The following KLRK1 variants were observed in gnomAD, a reference collection of about 807,000 sequenced individuals.
The protein encoded by KLRK1 is killer cell lectin like receptor K1.
A neutral mutation model predicts 31.3 loss-of-function variants in KLRK1; 40 were observed. That is an observed-to-expected ratio of 1.28 (90% CI 0.99 to 1.67). The LOEUF (loss-of-function observed/expected upper bound fraction) is 1.67, where lower values mean the gene tolerates loss of function less well. KLRK1 is among the 40% of genes most tolerant of loss of function. KLRK1 has a pLI of 0.00. For synonymous variants in KLRK1, 77 were observed against 77.3 expected (o/e 1.00, Z 0.02); for missense variants, 251 against 260.0 (o/e 0.97, Z 0.24).
At chr12:10,376,220 C>T (rs1165941793) in intron 7 of KLRK1, among the ~76,000 whole-genome samples, 1 of 152,066 alleles carries the variant, frequency 6.6e-6, no homozygotes, top group Non-Finnish European at 1.5e-5. Flanking sequence ...ACATAGAATA[C>T]ATAGAAAACA....
At chr12:10,378,320 T>TGTAAAAA in intron 6 of KLRK1, 85 bp from the exon 7 acceptor site, 1 of 1,445,894 alleles carries the variant, frequency 6.9e-7, no homozygotes, top group Non-Finnish European at 9.5e-7. Flanking sequence ...TCATCTGTTC[T>TGTAAAAA]CACACTTGTA....
At chr12:10,376,810 CTTATTTAT>C (rs57195493) in intron 7 of KLRK1, among the ~76,000 whole-genome samples, 8,349 of 149,804 alleles carry the variant, frequency 0.056, 753 homozygotes, top group African/African-American at 0.19. Context: ...CTGAAATTTA[CTTATTTAT>C]TTATTTATTT....
intron 6 of KLRK1, 55 bp from the exon 7 acceptor site, chr12:10,378,290 A>G: frequency 6.4e-7 from 1 of 1,558,570 alleles, no homozygotes; most frequent in Non-Finnish European, 8.8e-7. Flanking sequence ...AATTTTAGTA[A>G]ACGCAAGACC....
Position 10,373,137 on chromosome 12 carries a change from T to C in KLRK1, c.628A>G (p.Ile210Val), listed in dbSNP as rs1345883731. ...IENCSTPNTY[I>V]CMQRTV ...CTTTACACAGTCCTTTGCATGCAGA[T>C]GTACGTATTTGGAGTTGAACAGTTT... is the stretch of plus-strand genomic sequence containing the variant. Residue 210 changes from isoleucine (I) to valine (V), a missense_variant, in exon 8 of 8, where the codon ATC becomes GTC. Coordinates refer to ENST00000240618, the MANE Select transcript of KLRK1 (RefSeq NM_007360.4). 1.2e-6 allele frequency: 2 copies of C among 1,612,728 alleles called. No individual in the cohort carries two copies. The highest frequency in any genetic ancestry group is 2.7e-5 in the African/African-American group (2 of 74,864).
intron 7 of KLRK1, among the ~76,000 whole-genome samples, chr12:10,375,184 AATAACAC>A (rs766101807): frequency 6.6e-6 from 1 of 152,334 alleles, no homozygotes; most frequent in South Asian, 2.1e-4. Flanking sequence ...GAAAATTGAA[AATAACAC>A]ATGAGAGTAA....
In KLRK1 at chr12:10,372,966, T is replaced by C. The variant is rs1055778353; in HGVS notation, c.*148A>G. 1.1e-4 allele frequency: 70 copies of C among 649,484 alleles called. No individual in the cohort carries two copies. In the Middle Eastern group the frequency reaches 1.8e-3, roughly 17 times the overall value. 40.2% of individuals were successfully genotyped at this position (649,484 alleles called of 1,614,324 possible). A position where few individuals can be genotyped will look rare whatever the true frequency, so the allele number is the denominator to read the frequency against. On this transcript the variant is annotated 3_prime_UTR_variant, in exon 8 of 8. Transcript: ENST00000240618. ...GCATGTTTGCAGTGAAATTGTTCTA[T>C]GGTTTGGTCCTGTGGAGTCTAAGAA...
intron 4 of KLRK1, 24 bp from the exon 5 acceptor site, chr12:10,379,506 A>T: frequency 1.4e-6 from 2 of 1,446,656 alleles, no homozygotes; most frequent in Non-Finnish European, 1.9e-6. Flanking sequence ...CATAAGTATT[A>T]AAAGTTTGTA....
chr12:10,376,804 A>AATTT (rs768296073), intron 7 of KLRK1, among the ~76,000 whole-genome samples: 36 of 92,110 alleles, frequency 3.9e-4, no homozygotes, highest in Non-Finnish European at 7.5e-4. Flanking sequence ...GTGTGTCTGA[A>AATTT]ATTTACTTAT....
Position 10,378,140 on chromosome 12 carries a change from T to G in KLRK1, c.525A>C (p.Ser175=), listed in dbSNP as rs1862999397. 2 of 1,613,934 alleles carry G rather than the reference T, an allele frequency of 1.2e-6. No homozygotes were observed. Among genetic ancestry groups the G allele is most frequent in the Admixed American group, 1.7e-5 (1 of 59,980 alleles). ...SWQWEDGSIL[S]PNLLTIIEMQ... ...TTGGGTCAGAGACTTACAGGTTGGG[T>G]GAGAGAATGGAGCCATCTTCCCACT... The change falls in exon 7 of 8, where the codon TCA becomes TCC. Residue 175 remains serine, a synonymous_variant. Transcript: ENST00000240618.
chr12:10,384,652 G>T (rs1222178301), intron 3 of KLRK1, among the ~76,000 whole-genome samples: 1 of 151,944 alleles, frequency 6.6e-6, no homozygotes, highest in Admixed American at 6.6e-5. Flanking sequence ...ACTACTAGAA[G>T]AGATAAGAGA....
intron 7 of KLRK1, among the ~76,000 whole-genome samples, chr12:10,374,397 CTTTTT>C (rs35414446): frequency 1.5e-5 from 2 of 131,858 alleles, no homozygotes; most frequent in Non-Finnish European, 3.2e-5. Context: ...TCCTCTCTCT[CTTTTT>C]TTTTTTTTTG....
In KLRK1 at chr12:10,374,625, C is replaced by T. The variant is rs533484580; in HGVS notation, c.534-1394G>A. On this transcript the variant is annotated intron_variant, in intron 7 of 7. Transcript: ENST00000240618. ...GGCCAAGCTGGACTTGAACTCCTGA[C>T]CTCAGGTCCTCCCAAAGTGCTGGGA... is the stretch of plus-strand genomic sequence containing the variant. 1.3e-4 allele frequency among the ~76,000 whole-genome samples: 20 copies of T among 152,034 alleles called. No homozygotes were observed. The South Asian group carries it at 4.2e-3, about 32-fold the overall frequency.
intron 7 of KLRK1, among the ~76,000 whole-genome samples, chr12:10,376,267 A>AT (rs1341189096): frequency 2.0e-5 from 3 of 150,148 alleles, no homozygotes; most frequent in Non-Finnish European, 3.0e-5. Context: ...CACCTAAAAC[A>AT]TTTTTAAAAA....
chr12:10,389,223 C>T (rs1221633019), intron 1 of KLRK1, among the ~76,000 whole-genome samples: 1 of 152,008 alleles, frequency 6.6e-6, no homozygotes, highest in Admixed American at 6.5e-5. Context: ...TAGCTAAGAT[C>T]AAGTGTTTCC....
chr12:10,389,238 G>A (rs1037409462), intron 1 of KLRK1, among the ~76,000 whole-genome samples: 1 of 151,900 alleles, frequency 6.6e-6, no homozygotes, highest in African/African-American at 2.4e-5. Context: ...GTTTCCAGTT[G>A]TTTATTTTAT....
chr12:10,386,669 T>C (rs1863172010), intron 3 of KLRK1, among the ~76,000 whole-genome samples: 1 of 151,972 alleles, frequency 6.6e-6, no homozygotes, highest in Non-Finnish European at 1.5e-5. Context: ...CCTGCCTCGA[T>C]TATATTATCA....
intron 2 of KLRK1, 38 bp from the exon 3 acceptor site, chr12:10,387,048 C>T: frequency 6.5e-7 from 1 of 1,530,460 alleles, no homozygotes; most frequent in Non-Finnish European, 8.9e-7. Context: ...GAGTCATGGC[C>T]TTTCTGCCAT....
intron 2 of KLRK1, among the ~76,000 whole-genome samples, chr12:10,387,826 A>G (rs930366982): frequency 1.3e-5 from 2 of 152,140 alleles, no homozygotes; most frequent in Non-Finnish European, 2.9e-5. Context: ...GATTATAGGC[A>G]TGAGCCACTG....
chr12:10,389,871 T>A (rs905734851), intron 1 of KLRK1, 72 bp downstream of exon 1: 3 of 151,914 alleles, frequency 2.0e-5, no homozygotes, highest in Middle Eastern at 3.2e-3. Context: ...AATATTTTTA[T>A]TTTTTTGAGG....
Sources: allele counts gnomAD v4.1 joint callset (sites outside exome capture counted in the v4.1 genomes callset), GRCh38; gene constraint gnomAD v4.1.1; transcripts MANE v1.5; gene names NCBI Gene and HGNC (gene_info 2026-07-23, HGNC 2026-07-21).